NLRC5: variants seen among roughly 807,000 people sequenced by gnomAD.
NLRC5 encodes protein NLRC5.
In NLRC5, 114 loss-of-function variants were observed where a neutral mutation model predicts 206.9. The observed-to-expected ratio is 0.55, with a 90% CI of 0.47 to 0.64. The LOEUF (loss-of-function observed/expected upper bound fraction) is 0.64. Among genes scored for constraint, NLRC5 ranks in the 30% least tolerant of loss-of-function variants. The probability of loss-of-function intolerance (pLI) is 0.00; values close to 1 mark genes in which losing one functional copy is unlikely to be tolerated. For synonymous variants in NLRC5, 952 were observed against 962.8 expected (o/e 0.99, Z 0.21); for missense variants, 2,008 against 2,305.5 (o/e 0.87, Z 2.64).
chr16:57,019,256 G>A (rs2060405524), intron 2 of NLRC5, among the ~76,000 whole-genome samples: 1 of 152,176 alleles, frequency 6.6e-6, no homozygotes, highest in Non-Finnish European at 1.5e-5. Flanking sequence ...AATTAGCTGG[G>A]CATTGTGGTG....
In NLRC5 at chr16:57,061,691, T is replaced by C; in HGVS notation, c.4144T>C (p.Phe1382Leu). 1 of 1,605,952 alleles carries C rather than the reference T, an allele frequency of 6.2e-7. No homozygotes were observed. Among genetic ancestry groups the C allele is most frequent in the Non-Finnish European group, 8.5e-7 (1 of 1,177,906 alleles). ...CTTGGTGGGGCGACCCGCAGGGCTG[T>C]TCAGCCTCAGGTACCTCCTCCCCCG... ...LSLVGRPAGL[F>L]SLRVQEPWAD... The change falls in exon 32 of 49, where the codon TTC becomes CTC. Residue 1382 changes from phenylalanine (F) to leucine (L), a missense_variant. By Grantham distance (22) the Phe-to-Leu change is conservative. Transcript: ENST00000688547.
intron 38 of NLRC5, among the ~76,000 whole-genome samples, chr16:57,071,197 G>A (rs561154338): frequency 1.0e-4 from 15 of 148,926 alleles, no homozygotes; most frequent in African/African-American, 3.7e-4. Context: ...GTGAGTGAGT[G>A]GCGTTGGTGG....
At chr16:57,050,412 C>G (rs1310802900) in intron 23 of NLRC5, among the ~76,000 whole-genome samples, 1 of 152,230 alleles carries the variant, frequency 6.6e-6, no homozygotes, top group Admixed American at 6.5e-5. Flanking sequence ...CCCCTCCAAA[C>G]AGCCAGAGGA....
chr16:57,012,344 A>G (rs530515879), intron 1 of NLRC5, among the ~76,000 whole-genome samples: 2 of 152,058 alleles, frequency 1.3e-5, no homozygotes, highest in Non-Finnish European at 2.9e-5. Flanking sequence ...GTGTAGATGT[A>G]TATTTTCATT....
chr16:57,042,534 A>ATCCCCAAAGTTTGCC (rs2063416024), intron 19 of NLRC5, among the ~76,000 whole-genome samples: 1 of 152,078 alleles, frequency 6.6e-6, no homozygotes, highest in African/African-American at 2.4e-5. Flanking sequence ...TGTAGGAGGA[A>ATCCCCAAAGTTTGCC]TCCCCAAAGT....
chr16:57,055,500 A>G lies in NLRC5; in HGVS notation c.3727A>G (p.Lys1243Glu), dbSNP rs2065517717. The G allele has an allele frequency of 1.9e-6, 3 of 1,613,588 alleles. No individual in the cohort carries two copies. The highest frequency in any genetic ancestry group is 1.1e-5 in the South Asian group (1 of 91,068). ...ESLCWLLSKC[K>E]DLSQVDLSAN... is the part of the protein sequence containing the mutation. ...ACTCTGCTGGTTGCTGAGCAAGTGT[A>G]AAGACCTCAGCCAGGTGGAGTAAGT... The change falls in exon 27 of 49, where the codon AAA (lysine) becomes GAA (glutamate). Residue 1243 changes from lysine (K) to glutamate (E), a missense_variant. Lys to Glu is a moderately conservative substitution (Grantham distance 56). Coordinates refer to ENST00000688547, the MANE Select transcript of NLRC5 (RefSeq NM_001384950.1).
chr16:57,048,635 GCA>G (rs2064347095), intron 23 of NLRC5, among the ~76,000 whole-genome samples: 6 of 152,126 alleles, frequency 3.9e-5, no homozygotes, highest in African/African-American at 1.4e-4. Context: ...CTGGGTTCAA[GCA>G]ATTCTCCTGC....
intron 36 of NLRC5, 106 bp from the exon 37 acceptor site, chr16:57,069,730 C>A: frequency 1.2e-6 from 1 of 850,694 alleles, no homozygotes; most frequent in Non-Finnish European, 1.9e-6. Context: ...CCTCACATTG[C>A]CCGCCACATC....
chr16:57,077,827 T>G, intron 42 of NLRC5, 25 bp downstream of exon 42: 1 of 1,588,412 alleles, frequency 6.3e-7, no homozygotes, highest in Non-Finnish European at 8.6e-7. Context: ...AGGTGGCCTC[T>G]GCCCTCTGTG....
chr16:57,065,014 T>A (rs1287489836), intron 32 of NLRC5, among the ~76,000 whole-genome samples, 198 bp from the exon 33 acceptor site: 5 of 152,304 alleles, frequency 3.3e-5, no homozygotes, highest in South Asian at 2.1e-4. Flanking sequence ...CAACAATAGT[T>A]GTTGGAATAA....
chr16:57,061,817 C>T lies in NLRC5; in HGVS notation c.4154+116C>T, dbSNP rs3751711. On this transcript the variant is annotated intron_variant, in intron 32 of 48. Coordinates refer to ENST00000688547, the MANE Select transcript of NLRC5 (RefSeq NM_001384950.1). ...CCCAGTCATTTCCTGTACCCACAAC[C>T]CTGCCATCTGGACCCTGAGCAAACC... The T allele has an allele frequency of 0.029, 45,176 of 1,537,624 alleles. 3,999 individuals carry two copies. In the East Asian group the frequency reaches 0.29, roughly 10 times the overall value.
chr16:57,047,928 G>T (rs1211902260), intron 23 of NLRC5: 3 of 429,720 alleles, frequency 7.0e-6, no homozygotes, highest in African/African-American at 5.9e-5. Flanking sequence ...CACCCCTGGA[G>T]CCTCACCAGG....
chr16:57,047,499 C>T, intron 22 of NLRC5, 46 bp from the exon 23 acceptor site: 1 of 1,541,144 alleles, frequency 6.5e-7, no homozygotes, highest in Non-Finnish European at 8.9e-7. Flanking sequence ...AGCCAGGGAC[C>T]CTGGGCTTTC....
Position 57,026,437 on chromosome 16 carries a change from C to T in NLRC5, c.1494C>T (p.Cys498=), listed in dbSNP as rs369775560. 5.9e-5 allele frequency: 96 copies of T among 1,614,040 alleles called. No homozygotes were observed. The highest frequency in any genetic ancestry group is 4.9e-4 in the Middle Eastern group (3 of 6,084). The change falls in exon 6 of 49, where the codon TGC becomes TGT. Residue 498 remains cysteine, a synonymous_variant. Coordinates refer to ENST00000688547, the MANE Select transcript of NLRC5 (RefSeq NM_001384950.1). ...CTCACAGCCTGCTGACTTCCTTCTG[C>T]GTCTGCACAGGCCCTGGGCACCAGC... ...GATHSLLTSF[C]VCTGPGHQQT... is the part of the protein sequence containing the mutation.
At chr16:57,030,372 G>A (rs1346948088) in intron 10 of NLRC5, among the ~76,000 whole-genome samples, 16 of 119,584 alleles carry the variant, frequency 1.3e-4, no homozygotes, top group Admixed American at 3.5e-4. Context: ...AGATGGATGG[G>A]TGGATGAAAA....
intron 28 of NLRC5, chr16:57,058,367 A>G (rs8060208): frequency 0.018 from 10,027 of 555,038 alleles, 776 homozygotes; most frequent in African/African-American, 0.17. Context: ...CCAAACACCC[A>G]AGAGAGGCTG....
At chr16:57,043,756 T>A in intron 20 of NLRC5, 152 bp downstream of exon 20, 2 of 673,490 alleles carry the variant, frequency 3.0e-6, no homozygotes, top group East Asian at 5.3e-5. Context: ...GTGATGGGCG[T>A]CCACTGAATG....
chr16:56,997,730 G>A (rs1308426831), intron 1 of NLRC5, among the ~76,000 whole-genome samples: 7 of 152,016 alleles, frequency 4.6e-5, no homozygotes, highest in Middle Eastern at 3.4e-3. Context: ...ACAGGCACAC[G>A]ACACCATGCC....
intron 29 of NLRC5, 130 bp downstream of exon 29, chr16:57,059,191 T>G: frequency 6.4e-7 from 1 of 1,565,530 alleles, no homozygotes; most frequent in Non-Finnish European, 8.6e-7. Flanking sequence ...ACCTCTGCCT[T>G]TCTCTGAATC....
Sources: allele counts gnomAD v4.1 joint callset (sites outside exome capture counted in the v4.1 genomes callset), GRCh38; gene constraint gnomAD v4.1.1; transcripts MANE v1.5; gene names NCBI Gene and HGNC (gene_info 2026-07-23, HGNC 2026-07-21).